PCLO: variants seen among roughly 807,000 people sequenced by gnomAD.
PCLO encodes piccolo presynaptic cytomatrix protein.
Under a neutral mutation model 427.5 loss-of-function variants are expected in PCLO, and 82 were observed. The ratio of observed to expected loss-of-function variants is 0.19; its 90% confidence interval spans 0.16 to 0.23. The LOEUF is 0.23. PCLO is among the 10% of genes least tolerant of loss of function. The pLI, the probability that PCLO is intolerant of heterozygous loss-of-function variation, is 1.00. For synonymous variants in PCLO, 2,357 were observed against 2,155.4 expected (o/e 1.09, Z -2.59); for missense variants, 6,239 against 6,115.9 (o/e 1.02, Z -0.67).
At chr7:82,924,558 A>G (rs573595220) in intron 6 of PCLO, among the ~76,000 whole-genome samples, 7 of 152,226 alleles carry the variant, frequency 4.6e-5, no homozygotes, top group African/African-American at 1.7e-4. Context: ...ATTATGGAAA[A>G]GTTTGAGTGT....
chr7:83,027,485 G>A (rs1788533552), intron 3 of PCLO, among the ~76,000 whole-genome samples: 1 of 151,962 alleles, frequency 6.6e-6, no homozygotes, highest in Non-Finnish European at 1.5e-5. Context: ...ACCAAAAAGA[G>A]TCCAGGACCA....
rs1380645474 is a variant in PCLO at position 82,824,370 on chromosome 7, C to T, written c.14462G>A (p.Arg4821Lys). The T allele has an allele frequency of 6.2e-7, 1 of 1,611,884 alleles. No homozygotes were observed. The highest frequency in any genetic ancestry group is 1.1e-5 in the South Asian group (1 of 90,958). The change falls in exon 19 of 25, where the codon AGG (arginine) becomes AAG (lysine). Residue 4821 changes from arginine (R) to lysine (K), a missense_variant. Transcript: ENST00000333891. ...SSTSHLDNTP[R>K]WYPLKEQTES... ...AGTCTGTTCTTTGAGAGGATACCAC[C>T]TTGGAGTGTTATCGAGGTGAGATGT... is the stretch of plus-strand genomic sequence containing the variant.
intron 3 of PCLO, among the ~76,000 whole-genome samples, chr7:83,071,787 A>C (rs564336712): frequency 6.6e-6 from 1 of 152,252 alleles, no homozygotes; most frequent in South Asian, 2.1e-4. Context: ...ATACACAAAC[A>C]ATATACTGAT....
At chr7:82,846,749 T>G (rs2115816436) in intron 11 of PCLO, 115 bp from the exon 12 acceptor site, 1 of 637,430 alleles carries the variant, frequency 1.6e-6, no homozygotes, top group East Asian at 2.8e-5. Context: ...GTTAATGATA[T>G]AAAGCAACTC....
At chr7:82,967,641 T>C (rs1343231623) in intron 3 of PCLO, among the ~76,000 whole-genome samples, 1 of 152,194 alleles carries the variant, frequency 6.6e-6, no homozygotes, top group African/African-American at 2.4e-5. Flanking sequence ...GATAAACTGG[T>C]TGAGAATTTT....
In PCLO at chr7:82,914,740, G is replaced by A. The variant is rs772144520; in HGVS notation, c.13246C>T (p.Arg4416Cys). 7 of 1,612,876 alleles carry A rather than the reference G, an allele frequency of 4.3e-6. No individual in the cohort carries two copies. Among genetic ancestry groups the A allele is most frequent in the Admixed American group, 1.7e-5 (1 of 59,904 alleles). Residue 4416 changes from arginine (R) to cysteine (C), a missense_variant, in exon 7 of 25, where the codon CGT becomes TGT. Physicochemically the swap from Arg to Cys is radical, Grantham distance 180. This residue lies in a region of PCLO where 877 missense variants were observed against 925.5 expected (regional missense o/e 0.95). Coordinates refer to ENST00000333891, the MANE Select transcript of PCLO (RefSeq NM_033026.6). ...TCATCCATGATGAATGCTATGTCAC[G>A]GTCATAGCCTCGAGTCCGTGATTCT... The part of the protein sequence containing the change: ...REESRTRGYD[R>C]DIAFIMDDFQ...
In PCLO at chr7:82,835,684, C is replaced by G. The variant is rs769061873; in HGVS notation, c.14232G>C (p.Met4744Ile). 3 of 1,609,602 alleles carry G rather than the reference C, an allele frequency of 1.9e-6. No homozygotes were observed. Among genetic ancestry groups the G allele is most frequent in the Non-Finnish European group, 1.7e-6 (2 of 1,177,570 alleles). Residue 4744 changes from methionine to isoleucine, a missense_variant, in exon 16 of 25, where the codon ATG (methionine) becomes ATC (isoleucine). Around this residue, in one of 5 missense-constraint regions of PCLO, gnomAD observed 877 missense variants for 925.5 expected, o/e 0.95. Coordinates refer to ENST00000333891, the MANE Select transcript of PCLO (RefSeq NM_033026.6). ...AACTCTACCTTGCATTCTGGACAAC[C>G]ATGACTTGACTGCATTGATTCCAAG... The part of the protein sequence containing the change: ...VYLLPGRGQV[M>I]VVQNASAEYK...
chr7:82,757,823 C>T lies in PCLO; in HGVS notation c.*752G>A, dbSNP rs1192856376. The T allele has an allele frequency of 1.3e-5, 2 of 151,962 alleles. No homozygotes were observed. The highest frequency in any genetic ancestry group is 2.4e-5 in the African/African-American group (1 of 41,420). The allele number at this position is 151,962 out of a possible 1,614,324, so 9.4% of individuals were successfully genotyped here. A position where few individuals can be genotyped will look rare whatever the true frequency, so the allele number is the denominator to read the frequency against. On this transcript the variant is annotated 3_prime_UTR_variant, in exon 25 of 25. Transcript: ENST00000333891. Reference sequence around the variant, plus strand: ...GCAACATTCTTCTTTGTTAGCCAGTCATAGTTTTATTTCTAGATAAATTCA... The same window carrying T: ...GCAACATTCTTCTTTGTTAGCCAGTTATAGTTTTATTTCTAGATAAATTCA...
intron 22 of PCLO, among the ~76,000 whole-genome samples, chr7:82,777,352 C>T (rs1790776003): frequency 6.6e-6 from 1 of 151,976 alleles, no homozygotes; most frequent in South Asian, 2.1e-4. Context: ...AGATTCAATG[C>T]CATTCCTATC....
At chr7:83,122,506 G>C (rs904423146) in intron 3 of PCLO, among the ~76,000 whole-genome samples, 5 of 151,880 alleles carry the variant, frequency 3.3e-5, no homozygotes, top group African/African-American at 1.2e-4. Flanking sequence ...GGTTGGTCTC[G>C]AACTGCTGAC....
chr7:82,841,980 C>G (rs1792379421), intron 13 of PCLO, among the ~76,000 whole-genome samples: 1 of 152,066 alleles, frequency 6.6e-6, no homozygotes, highest in South Asian at 2.1e-4. Context: ...GAGTGAATCA[C>G]CCACTCAATC....
In PCLO at chr7:83,134,845, G is replaced by A; in HGVS notation, c.2705C>T (p.Ser902Leu). 6.2e-7 allele frequency: 1 copy of A among 1,611,638 alleles called. No homozygotes were observed. The highest frequency in any genetic ancestry group is 8.5e-7 in the Non-Finnish European group (1 of 1,178,596). The change falls in exon 3 of 25, where the codon TCA becomes TTA. Residue 902 changes from serine to leucine, a missense_variant. Ser to Leu is a moderately radical substitution (Grantham distance 145, BLOSUM62 -2). Around this residue, in one of 5 missense-constraint regions of PCLO, gnomAD observed 4,677 missense variants for 4,468.4 expected, o/e 1.05. Transcript: ENST00000333891. The part of the protein sequence containing the change: ...PQQSPKPQEQ[S>L]RRFSLNLGSI... Reference sequence around the variant, plus strand: ...TCCCAGATTCAGACTGAAACGCCTTGACTGCTCCTGAGGCTTTGGGGACTG... The same window carrying A: ...TCCCAGATTCAGACTGAAACGCCTTAACTGCTCCTGAGGCTTTGGGGACTG...
intron 3 of PCLO, among the ~76,000 whole-genome samples, chr7:82,967,189 C>A (rs1009164606): frequency 6.9e-6 from 1 of 145,808 alleles, no homozygotes; most frequent in African/African-American, 2.6e-5. Context: ...CATTTTCTTT[C>A]TTCTTTTCTT....
intron 4 of PCLO, among the ~76,000 whole-genome samples, chr7:82,958,791 C>T (rs576595774): frequency 3.3e-5 from 5 of 152,120 alleles, no homozygotes; most frequent in Non-Finnish European, 7.3e-5. Flanking sequence ...GGTGAAGCTG[C>T]CTTCTAATAA....
intron 3 of PCLO, among the ~76,000 whole-genome samples, chr7:83,043,252 CAAT>C (rs1789016067): frequency 6.6e-6 from 1 of 152,006 alleles, no homozygotes; most frequent in Non-Finnish European, 1.5e-5. Flanking sequence ...CTTAAGATAG[CAAT>C]AGAGGTCGAG....
At chr7:82,976,449 T>C (rs971639922) in intron 3 of PCLO, among the ~76,000 whole-genome samples, 1 of 152,176 alleles carries the variant, frequency 6.6e-6, no homozygotes, top group African/African-American at 2.4e-5. Context: ...TCTCTTATTA[T>C]ATATATTTTA....
At chr7:82,800,652 GTGGCGAGATC>G (rs1243563880) in intron 22 of PCLO, among the ~76,000 whole-genome samples, 1 of 152,012 alleles carries the variant, frequency 6.6e-6, no homozygotes, top group Non-Finnish European at 1.5e-5. Context: ...CTGGAGTGCA[GTGGCGAGATC>G]TGGGCTTACT....
intron 17 of PCLO, among the ~76,000 whole-genome samples, chr7:82,826,985 T>C (rs1791960927): frequency 6.6e-6 from 1 of 152,086 alleles, no homozygotes; most frequent in African/African-American, 2.4e-5. Context: ...AAGAAATTCA[T>C]AGATTGCAAA....
rs149442842 is a variant in PCLO at position 83,123,807 on chromosome 7, A to G, written c.3300+10443T>C. Among the ~76,000 whole-genome samples the G allele has an allele frequency of 2.2e-4, 33 of 152,040 alleles. 1 individual carries two copies. In the East Asian group the frequency reaches 6.0e-3, roughly 28 times the overall value. On this transcript the variant is annotated intron_variant, in intron 3 of 24. Coordinates refer to ENST00000333891, the MANE Select transcript of PCLO (RefSeq NM_033026.6). ...CTAAAATCTGTTAAGAAATAGGCAAAAGGGTCAGGCGCAGTGGCTCACGCC... is the reference window on the plus strand; with the variant it reads ...CTAAAATCTGTTAAGAAATAGGCAAGAGGGTCAGGCGCAGTGGCTCACGCC...
Sources: gnomAD v4.1 joint callset for allele counts (sites outside exome capture counted in the v4.1 genomes callset) on GRCh38, gnomAD v4.1.1 for gene constraint, gnomAD v4.1.1 regional missense constraint, MANE v1.5 for transcripts, NCBI Gene and HGNC (gene_info 2026-07-23, HGNC 2026-07-21) for gene names.